The following CRB1 variants were observed in gnomAD, a reference collection of about 807,000 sequenced individuals.
CRB1 encodes crumbs cell polarity complex component 1, also known as protein crumbs homolog 1.
CRB1 carries 83 observed loss-of-function variants against 120.0 expected under a neutral mutation model. That is an observed-to-expected ratio of 0.69 (90% CI 0.58 to 0.83). The LOEUF is 0.83. Among genes scored for constraint, CRB1 ranks in the 40% least tolerant of loss-of-function variants. The pLI is 0.00. For missense variants in CRB1, 1,699 were observed against 1,687.6 expected (o/e 1.01, Z -0.12); for synonymous variants, 625 against 612.5 (o/e 1.02, Z -0.30).
Position 197,451,379 on chromosome 1 carries a change from T to G in CRB1, c.4005+9087T>G, listed in dbSNP as rs539831839. Among the ~76,000 whole-genome samples, 17 of 152,288 alleles carry G rather than the reference T, an allele frequency of 1.1e-4. No homozygotes were observed. The South Asian group carries it at 3.5e-3, about 32-fold the overall frequency. ...AGTGTAGTACACAGGGCTAAATAAT[T>G]GGCCGAGATCACCTGATACTTTGGA... On this transcript the variant is annotated intron_variant, in intron 11 of 11. Transcript: ENST00000367400.
chr1:197,374,850 C>T (rs905146849), intron 5 of CRB1, among the ~76,000 whole-genome samples: 5 of 152,136 alleles, frequency 3.3e-5, no homozygotes, highest in Admixed American at 1.3e-4. Context: ...CTGGCTGGAG[C>T]CACAGGGCTT....
intron 1 of CRB1, among the ~76,000 whole-genome samples, chr1:197,317,739 A>G (rs947673113): frequency 6.6e-6 from 1 of 152,314 alleles, no homozygotes; most frequent in Non-Finnish European, 1.5e-5. Context: ...AGTATAGACA[A>G]TGGGGAAAGG....
Position 197,421,529 on chromosome 1 carries a change from G to T in CRB1, c.1701G>T (p.Trp567Cys). 1 of 1,614,230 alleles carries T rather than the reference G, an allele frequency of 6.2e-7. No homozygotes were observed. The highest frequency in any genetic ancestry group is 8.5e-7 in the Non-Finnish European group (1 of 1,180,042). ...CCCACAACACCAGCGATGGAGAGTG[G>T]CATTTCGTGGAGGTAATATTTGCAG... ...FISHNTSDGE[W>C]HFVEVIFAEA... Residue 567 changes from tryptophan (W) to cysteine (C), a missense_variant, in exon 6 of 12, where the codon TGG becomes TGT. By Grantham distance (215) the Trp-to-Cys change is radical. Coordinates refer to ENST00000367400, the MANE Select transcript of CRB1 (RefSeq NM_201253.3).
chr1:197,280,669 A>C (rs910129127), intron 1 of CRB1, among the ~76,000 whole-genome samples: 3 of 151,922 alleles, frequency 2.0e-5, no homozygotes, highest in African/African-American at 7.2e-5. Flanking sequence ...TTGTCACAAA[A>C]ATATGTTTTA....
chr1:197,277,133 A>G (rs1343854677), intron 1 of CRB1, among the ~76,000 whole-genome samples: 1 of 151,954 alleles, frequency 6.6e-6, no homozygotes, highest in African/African-American at 2.4e-5. Flanking sequence ...CCTAAATAAT[A>G]AAAGTTTTCA....
At chr1:197,309,797 T>TAAA (rs1458253545) in intron 1 of CRB1, among the ~76,000 whole-genome samples, 1 of 150,668 alleles carries the variant, frequency 6.6e-6, no homozygotes. Flanking sequence ...AATAAATAAA[T>TAAA]TTACTTATGT....
At position 197,344,382 on chromosome 1, in the gene CRB1, C is replaced by T. The variant is rs773025033; in HGVS notation, c.754C>T (p.Pro252Ser). The change falls in exon 3 of 12, where the codon CCT becomes TCT. Residue 252 changes from proline (P) to serine (S), a missense_variant. Coordinates refer to ENST00000367400, the MANE Select transcript of CRB1 (RefSeq NM_201253.3). ...ALGAYFCDCA[P>S]GFLGDHCELN... ...GGGGGCCTATTTCTGCGACTGTGCC[C>T]CTGGATTCCTGGGGGATCACTGTGA... 6.2e-7 allele frequency: 1 copy of T among 1,614,042 alleles called. No homozygotes were observed. Among genetic ancestry groups the T allele is most frequent in the East Asian group, 2.2e-5 (1 of 44,874 alleles).
chr1:197,317,933 G>A (rs1403144314), intron 1 of CRB1, among the ~76,000 whole-genome samples: 1 of 151,294 alleles, frequency 6.6e-6, no homozygotes, highest in Non-Finnish European at 1.5e-5. Flanking sequence ...ATTGGCCTAG[G>A]TAAGGATTTT....
intron 11 of CRB1, among the ~76,000 whole-genome samples, chr1:197,457,232 A>G (rs889183922): frequency 6.6e-6 from 1 of 152,080 alleles, no homozygotes; most frequent in Non-Finnish European, 1.5e-5. Context: ...TAATACTAAT[A>G]GTGGCTAATA....
chr1:197,295,471 G>T (rs1476668376), intron 1 of CRB1, among the ~76,000 whole-genome samples: 3 of 151,998 alleles, frequency 2.0e-5, no homozygotes, highest in South Asian at 2.1e-4. Context: ...TGTCTTGTAG[G>T]ATATAGATTC....
At chr1:197,291,469 TATACTC>T (rs1484329186) in intron 1 of CRB1, among the ~76,000 whole-genome samples, 1 of 151,866 alleles carries the variant, frequency 6.6e-6, no homozygotes, top group African/African-American at 2.4e-5. Context: ...GCGAAAATCT[TATACTC>T]AAAGTAGCTT....
chr1:197,402,676 A>G (rs577600555), intron 5 of CRB1, among the ~76,000 whole-genome samples: 5 of 152,068 alleles, frequency 3.3e-5, no homozygotes, highest in African/African-American at 9.7e-5. Flanking sequence ...TATCTCTGGG[A>G]TAGTTTCTCA....
At chr1:197,272,251 G>T (rs527710898) in intron 1 of CRB1, among the ~76,000 whole-genome samples, 1 of 152,108 alleles carries the variant, frequency 6.6e-6, no homozygotes, top group African/African-American at 2.4e-5. Context: ...GTGGCATTTT[G>T]TAAAGTGCCT....
In CRB1 at chr1:197,450,802, A is replaced by AAAG. The variant is rs1431032298; in HGVS notation, c.4005+8512_4005+8513insGAA. 4.1e-5 allele frequency among the ~76,000 whole-genome samples: 6 copies of AAAG among 144,788 alleles called. No homozygotes were observed. The East Asian group carries it at 1.0e-3, about 24-fold the overall frequency. The allele number at this position is 144,788 out of a possible 152,430, so 95.0% of individuals were successfully genotyped here. A position where few individuals can be genotyped will look rare whatever the true frequency, so the allele number is the denominator to read the frequency against. On this transcript the variant is annotated intron_variant, in intron 11 of 11. Transcript: ENST00000367400. ...AAAAATACAAAAAAAAAAAAAAAAA[A>AAAG]AAAAAAAATTAGCTGGGCGTGGTGG...
At chr1:197,265,090 A>T (rs1249194700), upstream of CRB1, among the ~76,000 whole-genome samples, 1 of 152,028 alleles carries the variant, frequency 6.6e-6, no homozygotes, top group Non-Finnish European at 1.5e-5. Flanking sequence ...AATGTCTGTC[A>T]TGGCAGTGGG....
chr1:197,435,207 G>A lies in CRB1; in HGVS notation c.3344G>A (p.Gly1115Asp). Residue 1115 changes from glycine to aspartate, a missense_variant, in exon 9 of 12, where the codon GGT (glycine) becomes GAT (aspartate). Physicochemically the swap from Gly to Asp is moderately conservative, Grantham distance 94. Transcript: ENST00000367400. The part of the protein sequence containing the change: ...IYLSYFENVH[G>D]FINKPQEEQF... ...CTCTCTTACTTTGAAAATGTTCATG[G>A]TTTCATTAATAAACCTCAGGAAGAG... 1 of 1,613,868 alleles carries A rather than the reference G, an allele frequency of 6.2e-7. No homozygotes were observed. The highest frequency in any genetic ancestry group is 8.5e-7 in the Non-Finnish European group (1 of 1,179,864).
At chr1:197,296,859 T>C (rs915795608) in intron 1 of CRB1, among the ~76,000 whole-genome samples, 1 of 152,094 alleles carries the variant, frequency 6.6e-6, no homozygotes, top group East Asian at 1.9e-4. Context: ...CCAGCCACCA[T>C]GTAAGACGTC....
upstream of CRB1, among the ~76,000 whole-genome samples, chr1:197,267,376 A>G (rs1036044836): frequency 7.2e-5 from 11 of 152,202 alleles, no homozygotes; most frequent in Non-Finnish European, 1.2e-4. Context: ...TTGATAAAAA[A>G]CATTAAGCTG....
intron 4 of CRB1, among the ~76,000 whole-genome samples, chr1:197,349,941 A>T (rs1659994538): frequency 6.6e-6 from 1 of 151,854 alleles, no homozygotes; most frequent in Non-Finnish European, 1.5e-5. Context: ...TCTACTAAAA[A>T]TACAAAAAAT....
Sources: allele counts gnomAD v4.1 joint callset (sites outside exome capture counted in the v4.1 genomes callset), GRCh38; gene constraint gnomAD v4.1.1; transcripts MANE v1.5; gene names NCBI Gene and HGNC (gene_info 2026-07-23, HGNC 2026-07-21).